Variants in ADH6 observed in about 807,000 individuals in gnomAD.
ADH6 encodes the protein alcohol dehydrogenase 6.
Under a neutral mutation model 36.5 loss-of-function variants are expected in ADH6, and 34 were observed. That is an observed-to-expected ratio of 0.93 (90% CI 0.71 to 1.24). ADH6 has a LOEUF of 1.24. ADH6 is among the 50% of genes most tolerant of loss of function. The pLI, the probability that ADH6 is intolerant of heterozygous loss-of-function variation, is 0.00. For missense variants in ADH6, 440 were observed against 447.0 expected (o/e 0.98, Z 0.14); for synonymous variants, 161 against 155.5 (o/e 1.04, Z -0.26).
intron 7 of ADH6, among the ~76,000 whole-genome samples, chr4:99,206,704 G>A (rs1178948526): frequency 2.0e-5 from 3 of 151,840 alleles, no homozygotes; most frequent in Non-Finnish European, 2.9e-5. Context: ...AGTAATTCAG[G>A]CACTCCTCTA....
At chr4:99,214,685 A>C (rs2110554629) in intron 2 of ADH6, among the ~76,000 whole-genome samples, 1 of 152,300 alleles carries the variant, frequency 6.6e-6, no homozygotes, top group Admixed American at 6.5e-5. Context: ...TCTAAAACAA[A>C]TATGAAGTTT....
chr4:99,212,361 C>T lies in ADH6; in HGVS notation c.262+1245G>A, dbSNP rs539059231. On this transcript the variant is annotated intron_variant, in intron 3 of 8. Coordinates refer to ENST00000394899, the MANE Select transcript of ADH6 (RefSeq NM_001102470.2). ...TTTTCATTGCATTTTAAAATTTTATCGTAAATTGACAAATTATATATTTAT... is the reference window on the plus strand; with the variant it reads ...TTTTCATTGCATTTTAAAATTTTATTGTAAATTGACAAATTATATATTTAT... Among the ~76,000 whole-genome samples, 10 of 151,850 alleles carry T rather than the reference C, an allele frequency of 6.6e-5. No individual in the cohort carries two copies. The East Asian group carries it at 7.7e-4, about 12-fold the overall frequency.
At chr4:99,214,828 TG>T (rs1180907960) in intron 2 of ADH6, among the ~76,000 whole-genome samples, 1 of 152,228 alleles carries the variant, frequency 6.6e-6, no homozygotes, top group African/African-American at 2.4e-5. Context: ...GCAACCCAAC[TG>T]TAGAAAGTGC....
intron 3 of ADH6, among the ~76,000 whole-genome samples, chr4:99,211,769 G>C (rs1579446319): frequency 6.6e-6 from 1 of 152,240 alleles, no homozygotes; most frequent in East Asian, 1.9e-4. Flanking sequence ...AACACCTGTG[G>C]AAGGATTTAG....
chr4:99,204,683 A>G, intron 8 of ADH6: 1 of 1,232,118 alleles, frequency 8.1e-7, no homozygotes, highest in East Asian at 3.4e-5. Context: ...TTGGAAATAC[A>G]ATGCTAATGG....
Position 99,219,123 on chromosome 4 carries a change from G to C in ADH6, c.18+12C>G. ...AGATATGACACAACATAAAGAATAAGACTGCACCTACTTGGCCTGTAGTAC... is the reference window on the plus strand; with the variant it reads ...AGATATGACACAACATAAAGAATAACACTGCACCTACTTGGCCTGTAGTAC... On this transcript the variant is annotated intron_variant, in intron 1 of 8. Transcript: ENST00000394899. 6.2e-7 allele frequency: 1 copy of C among 1,610,086 alleles called. No homozygotes were observed. The highest frequency in any genetic ancestry group is 8.5e-7 in the Non-Finnish European group (1 of 1,176,504).
chr4:99,209,303 C>G (rs1376981209), intron 5 of ADH6, among the ~76,000 whole-genome samples: 4 of 152,082 alleles, frequency 2.6e-5, no homozygotes, highest in African/African-American at 9.7e-5. Flanking sequence ...CTGTCTCTCT[C>G]TCTCTCTCTC....
Position 99,210,310 on chromosome 4 carries a change from A to G in ADH6, c.351-12T>C. On this transcript the variant is annotated splice_polypyrimidine_tract_variant and intron_variant, in intron 4 of 8. Transcript: ENST00000394899. Reference sequence around the variant, plus strand: ...GGGTTTTTGACTGTCTTTTATAGACAAAACAAAAAACAAAACACAAAGTTT... The same window carrying G: ...GGGTTTTTGACTGTCTTTTATAGACGAAACAAAAAACAAAACACAAAGTTT... 1 of 1,607,870 alleles carries G rather than the reference A, an allele frequency of 6.2e-7. No homozygotes were observed. The highest frequency in any genetic ancestry group is 8.5e-7 in the Non-Finnish European group (1 of 1,175,046).
At chr4:99,208,496 G>A (rs1412223562) in intron 6 of ADH6, 172 bp downstream of exon 6, 4 of 626,950 alleles carry the variant, frequency 6.4e-6, no homozygotes, top group African/African-American at 5.6e-5. Context: ...TTAGTATCTG[G>A]GATAGTGAAC....
At chr4:99,219,108 C>G in intron 1 of ADH6, 27 bp downstream of exon 1, 1 of 1,605,148 alleles carries the variant, frequency 6.2e-7, no homozygotes, top group Non-Finnish European at 8.5e-7. Context: ...AGATATGACA[C>G]AACATAAAGA....
At position 99,204,961 on chromosome 4, in the gene ADH6, A is replaced by G; in HGVS notation, c.1067T>C (p.Ile356Thr). ...LITHTLNLDK[I>T]NEAVELMKTG... The stretch of plus-strand genomic sequence containing the variant: ...TTTCATTAATTCAACTGCTTCATTG[A>G]TTTTATCAAGATTCAGAGTATGAGT... The change falls in exon 8 of 9, where the codon ATC becomes ACC. Residue 356 changes from isoleucine to threonine, a missense_variant. Physicochemically the swap from Ile to Thr is moderately conservative, Grantham distance 89. Transcript: ENST00000394899. 1 of 1,608,692 alleles carries G rather than the reference A, an allele frequency of 6.2e-7. No individual in the cohort carries two copies. Among genetic ancestry groups the G allele is most frequent in the South Asian group, 1.1e-5 (1 of 89,816 alleles).
intron 3 of ADH6, among the ~76,000 whole-genome samples, chr4:99,210,818 C>G (rs768849449): frequency 2.0e-5 from 3 of 152,160 alleles, no homozygotes; most frequent in Non-Finnish European, 4.4e-5. Flanking sequence ...CTTATCTCTT[C>G]TCAACATTTT....
chr4:99,207,838 C>T (rs1001504107), intron 6 of ADH6, among the ~76,000 whole-genome samples: 1 of 151,874 alleles, frequency 6.6e-6, no homozygotes, highest in African/African-American at 2.4e-5. Context: ...TAAAAACATC[C>T]ACAGTAGTGA....
At position 99,207,514 on chromosome 4, in the gene ADH6, C is replaced by G; in HGVS notation, c.896G>C (p.Ser299Thr). Residue 299 changes from serine to threonine, a missense_variant, in exon 7 of 9, where the codon AGT becomes ACT. Coordinates refer to ENST00000394899, the MANE Select transcript of ADH6 (RefSeq NM_001102470.2). ...VCVVVGVLPA[S>T]VQLKISGQLF... Reference sequence around the variant, plus strand: ...CTGGCCACTGATTTTGAGTTGAACACTGGCAGGCAACACCCCAACAACCAC... The same window carrying G: ...CTGGCCACTGATTTTGAGTTGAACAGTGGCAGGCAACACCCCAACAACCAC... 6.2e-7 allele frequency: 1 copy of G among 1,613,658 alleles called. No individual in the cohort carries two copies. The highest frequency in any genetic ancestry group is 8.5e-7 in the Non-Finnish European group (1 of 1,179,744).
Position 99,204,933 on chromosome 4 carries a change from A to C in ADH6, c.1095T>G (p.Thr365=), listed in dbSNP as rs779927664. Reference sequence around the variant, plus strand: ...TTATGTGGGCAGTTTACCATTTTCCAGTTTTCATTAATTCAACTGCTTCAT... The same window carrying C: ...TTATGTGGGCAGTTTACCATTTTCCCGTTTTCATTAATTCAACTGCTTCAT... ...KINEAVELMK[T]GKCIRCILLL Residue 365 remains threonine (T), a synonymous_variant, in exon 8 of 9, where the codon ACT becomes ACG. Transcript: ENST00000394899. 2 of 1,606,822 alleles carry C rather than the reference A, an allele frequency of 1.2e-6. No individual in the cohort carries two copies. Among genetic ancestry groups the C allele is most frequent in the Admixed American group, 3.4e-5 (2 of 58,818 alleles).
chr4:99,214,411 A>T (rs887270551), intron 2 of ADH6, among the ~76,000 whole-genome samples: 5 of 152,170 alleles, frequency 3.3e-5, no homozygotes, highest in Admixed American at 1.3e-4. Context: ...AAATGAAATA[A>T]AGAAATTGGA....
rs150003925 is a variant in ADH6 at position 99,202,764 on chromosome 4, C to T, written c.*1455G>A. The T allele has an allele frequency of 3.4e-4, 137 of 398,172 alleles. No homozygotes were observed. The highest frequency in any genetic ancestry group is 2.3e-3 in the African/African-American group (114 of 48,676). The allele number at this position is 398,172 out of a possible 1,614,324, so 24.7% of individuals were successfully genotyped here. A position where few individuals can be genotyped will look rare whatever the true frequency, so the allele number is the denominator to read the frequency against. On this transcript the variant is annotated 3_prime_UTR_variant, in exon 9 of 9. Transcript: ENST00000394899. The stretch of plus-strand genomic sequence containing the variant: ...TCCAAGTTCTCACTGTTAGTAAGGT[C>T]AATTTGGGGGCAGAACAGGAACATG...
At chr4:99,210,642 C>T (rs1731192632) in intron 3 of ADH6, 140 bp from the exon 4 acceptor site, 1 of 659,868 alleles carries the variant, frequency 1.5e-6, no homozygotes, top group Non-Finnish European at 2.6e-6. Flanking sequence ...TGCTTGATAC[C>T]ACAAAGAATA....
rs1731124849 is a variant in ADH6 at position 99,208,773 on chromosome 4, G to A, written c.723C>T (p.Cys241=). The A allele has an allele frequency of 6.2e-7, 1 of 1,613,766 alleles. No individual in the cohort carries two copies. The highest frequency in any genetic ancestry group is 8.5e-7 in the Non-Finnish European group (1 of 1,179,780). Residue 241 remains cysteine (C), a synonymous_variant, in exon 6 of 9, where the codon TGC becomes TGT. Transcript: ENST00000394899. ...GTTTCTTTAAGTCCTGAGGGTTGAGGCACTCAGTAGCACCCAATTCCTGTG... is the reference window on the plus strand; with the variant it reads ...GTTTCTTTAAGTCCTGAGGGTTGAGACACTCAGTAGCACCCAATTCCTGTG... The part of the protein sequence containing the change: ...KKAQELGATE[C]LNPQDLKKPI...
Sources: gnomAD v4.1 joint callset for allele counts (sites outside exome capture counted in the v4.1 genomes callset) on GRCh38, gnomAD v4.1.1 for gene constraint, MANE v1.5 for transcripts, NCBI Gene and HGNC (gene_info 2026-07-23, HGNC 2026-07-21) for gene names.